Variants in GLYATL1 observed in about 807,000 individuals in gnomAD.
GLYATL1 encodes the protein glycine N-acyltransferase-like protein 1.
In GLYATL1, 15 loss-of-function variants were observed where a neutral mutation model predicts 20.0. The observed-to-expected ratio is 0.75, with a 90% CI of 0.50 to 1.15. The LOEUF is 1.15. Ranked by LOEUF, GLYATL1 falls within the 50% of genes most tolerant of loss-of-function variation. The pLI is 0.00. For missense variants in GLYATL1, 380 were observed against 368.5 expected (o/e 1.03, Z -0.26); for synonymous variants, 151 against 131.5 (o/e 1.15, Z -1.01).
At chr11:58,930,976 A>G (rs1855576955) in intron 1 of GLYATL1, among the ~76,000 whole-genome samples, 1 of 152,224 alleles carries the variant, frequency 6.6e-6, no homozygotes, top group South Asian at 2.1e-4. Context: ...GAATGATTAG[A>G]TCATGAGGGC....
At chr11:58,921,238 C>G (rs1027155066) in intron 1 of GLYATL1, among the ~76,000 whole-genome samples, 1 of 152,190 alleles carries the variant, frequency 6.6e-6, no homozygotes, top group Non-Finnish European at 1.5e-5. Flanking sequence ...GGGAAGCGCA[C>G]AAACAGCTGA....
At chr11:58,928,645 A>C (rs486507) in intron 1 of GLYATL1, 78,637 of 152,110 alleles carry the variant, frequency 0.52, 20,336 homozygotes, top group East Asian at 0.58. Context: ...TTTGCCAGTC[A>C]TGCTGAGTGT....
At chr11:58,913,659 GTGTGCA>G (rs1855103489) in intron 1 of GLYATL1, among the ~76,000 whole-genome samples, 1 of 152,240 alleles carries the variant, frequency 6.6e-6, no homozygotes, top group Non-Finnish European at 1.5e-5. Context: ...AATTGTGTGT[GTGTGCA>G]TGCACATATG....
In GLYATL1 at chr11:58,956,073, T is replaced by A; in HGVS notation, c.*46T>A. ...TCTCTGCCAAGCCATCTCTTAATAT[T>A]AAAGCAGACACCACAGAATAGATTT... On this transcript the variant is annotated 3_prime_UTR_variant, in exon 7 of 7. Coordinates refer to ENST00000532726, the MANE Select transcript of GLYATL1 (RefSeq NM_001389712.2). 6.7e-7 allele frequency: 1 copy of A among 1,501,828 alleles called. No individual in the cohort carries two copies. The highest frequency in any genetic ancestry group is 9.2e-7 in the Non-Finnish European group (1 of 1,090,832). The allele number at this position is 1,501,828 out of a possible 1,614,324, so 93.0% of individuals were successfully genotyped here.
intron 1 of GLYATL1, among the ~76,000 whole-genome samples, chr11:58,939,919 G>T: frequency 6.6e-6 from 1 of 152,116 alleles, no homozygotes; most frequent in East Asian, 1.9e-4. Context: ...GGTTGATTGA[G>T]CCCAACCAAT....
At chr11:58,926,281 C>T (rs760049312), upstream of GLYATL1, among the ~76,000 whole-genome samples, 3 of 152,074 alleles carry the variant, frequency 2.0e-5, no homozygotes, top group African/African-American at 7.2e-5. Flanking sequence ...AAAATTGATG[C>T]GATTGGGTGG....
chr11:58,917,723 G>T (rs1855208900), intron 1 of GLYATL1, among the ~76,000 whole-genome samples: 2 of 152,186 alleles, frequency 1.3e-5, no homozygotes, highest in Non-Finnish European at 2.9e-5. Context: ...GAAGTTACTA[G>T]TTACAGAAAA....
intron 1 of GLYATL1, among the ~76,000 whole-genome samples, chr11:58,915,612 A>G (rs1855153210): frequency 6.6e-6 from 1 of 152,206 alleles, no homozygotes; most frequent in South Asian, 2.1e-4. Context: ...ATATTAAGTC[A>G]TATCCTGTGG....
chr11:58,932,678 A>G (rs998960199), intron 1 of GLYATL1, among the ~76,000 whole-genome samples: 2 of 152,258 alleles, frequency 1.3e-5, no homozygotes, highest in African/African-American at 2.4e-5. Flanking sequence ...GAACCTCAAA[A>G]AAGTAGTGCA....
chr11:58,926,257 C>T (rs188078788), upstream of GLYATL1, among the ~76,000 whole-genome samples: 1 of 152,232 alleles, frequency 6.6e-6, no homozygotes, highest in Admixed American at 6.5e-5. Flanking sequence ...ATAAGTTTCT[C>T]CAATTTTGGT....
Position 58,956,044 on chromosome 11 carries a change from G to A in GLYATL1, c.*17G>A, listed in dbSNP as rs1354896644. 1 of 1,599,376 alleles carries A rather than the reference G, an allele frequency of 6.3e-7. No individual in the cohort carries two copies. The highest frequency in any genetic ancestry group is 8.6e-7 in the Non-Finnish European group (1 of 1,169,450). On this transcript the variant is annotated 3_prime_UTR_variant, in exon 7 of 7. Coordinates refer to ENST00000532726, the MANE Select transcript of GLYATL1 (RefSeq NM_001389712.2). ...CCATTTTAGACAATGAAGCTGCTTA[G>A]TAATCTCTGCCAAGCCATCTCTTAA...
At chr11:58,912,175 C>A (rs1047656377), downstream of GLYATL1, among the ~76,000 whole-genome samples, 4 of 152,108 alleles carry the variant, frequency 2.6e-5, no homozygotes, top group African/African-American at 9.7e-5. Flanking sequence ...GGAGAATAGG[C>A]AAACCTGGTA....
At chr11:58,932,177 G>T (rs557056642) in intron 1 of GLYATL1, among the ~76,000 whole-genome samples, 28 of 147,538 alleles carry the variant, frequency 1.9e-4, no homozygotes, top group Admixed American at 4.7e-4. Flanking sequence ...AGGAAAAAGG[G>T]TTCAATTCCA....
intron 1 of GLYATL1, 21 bp from the exon 2 acceptor site, chr11:58,943,522 C>G (rs1319213813): frequency 6.3e-7 from 1 of 1,591,850 alleles, no homozygotes; most frequent in Non-Finnish European, 8.6e-7. Context: ...TTTAATTCAG[C>G]TGAAGTTTTT....
exon 2 of GLYATL1, chr11:58,908,083 A>G (rs1854949563): frequency 6.6e-6 from 1 of 152,358 alleles, no homozygotes; most frequent in Non-Finnish European, 1.5e-5. Flanking sequence ...CCCACTGCAC[A>G]TCTCTGATCC....
At chr11:58,933,044 C>T (rs1490868905) in intron 1 of GLYATL1, among the ~76,000 whole-genome samples, 1 of 152,068 alleles carries the variant, frequency 6.6e-6, no homozygotes, top group Non-Finnish European at 1.5e-5. Context: ...AAAGGAAGAA[C>T]CTGAGAAGTA....
downstream of GLYATL1, among the ~76,000 whole-genome samples, chr11:58,911,827 G>C (rs966327238): frequency 2.0e-5 from 3 of 152,136 alleles, no homozygotes; most frequent in Non-Finnish European, 2.9e-5. Flanking sequence ...TTTTGATGAA[G>C]TTTACTTTAT....
In GLYATL1 at chr11:58,905,588, C is replaced by T. The variant is rs76798788; in HGVS notation, n.165C>T. The T allele has an allele frequency of 8.2e-3, 3,751 of 456,296 alleles. 111 individuals carry two copies. Among genetic ancestry groups the T allele is most frequent in the African/African-American group, 0.068 (3,420 of 50,188 alleles). The allele number at this position is 456,296 out of a possible 1,614,324, so 28.3% of individuals were successfully genotyped here. A position where few individuals can be genotyped will look rare whatever the true frequency, so the allele number is the denominator to read the frequency against. ...CCACCCGGCTGCCGCGCAACCCCTCCTTGGCTTCCACTGGGAGACAGGGGA... is the reference window on the plus strand; with the variant it reads ...CCACCCGGCTGCCGCGCAACCCCTCTTTGGCTTCCACTGGGAGACAGGGGA... On this transcript the variant is annotated non_coding_transcript_exon_variant, in exon 1 of 2. Coordinates refer to the GLYATL1 transcript ENST00000524629.
chr11:58,917,257 T>G (rs1855195859), intron 1 of GLYATL1: 1 of 152,224 alleles, frequency 6.6e-6, no homozygotes, highest in African/African-American at 2.4e-5. Flanking sequence ...TTGACTCCCC[T>G]GGGGCTCTGC....
Sources: allele counts gnomAD v4.1 joint callset (sites outside exome capture counted in the v4.1 genomes callset), GRCh38; gene constraint gnomAD v4.1.1; transcripts MANE v1.5; gene names NCBI Gene and HGNC (gene_info 2026-07-23, HGNC 2026-07-21).